The following JMJD1C variants were observed in gnomAD, a reference collection of about 807,000 sequenced individuals.
The protein encoded by JMJD1C is jumonji domain-containing protein 1C.
A neutral mutation model predicts 245.3 loss-of-function variants in JMJD1C; 31 were observed. The observed-to-expected ratio is 0.13, with a 90% CI of 0.09 to 0.17. The LOEUF is 0.17. Among genes scored for constraint, JMJD1C ranks in the 10% least tolerant of loss-of-function variants. The pLI is 1.00. For synonymous variants in JMJD1C, 1,057 were observed against 1,017.4 expected (o/e 1.04, Z -0.74); for missense variants, 2,691 against 3,000.2 (o/e 0.90, Z 2.41).
At chr10:63,301,497 A>C (rs1392658583) in intron 2 of JMJD1C, among the ~76,000 whole-genome samples, 1 of 152,228 alleles carries the variant, frequency 6.6e-6, no homozygotes, top group Non-Finnish European at 1.5e-5. Flanking sequence ...ATACATGCAC[A>C]CTTAAGATAT....
intron 1 of JMJD1C, among the ~76,000 whole-genome samples, chr10:63,429,022 C>A (rs141106288): frequency 6.6e-6 from 1 of 152,180 alleles, no homozygotes; most frequent in Non-Finnish European, 1.5e-5. Context: ...CTCTTGTTAC[C>A]CAGGCTGGAG....
intron 1 of JMJD1C, among the ~76,000 whole-genome samples, chr10:63,381,534 C>A (rs1203231807): frequency 1.3e-5 from 2 of 151,814 alleles, no homozygotes; most frequent in Non-Finnish European, 2.9e-5. Context: ...TCTGTCTATT[C>A]AAAAAACAAA....
chr10:63,440,546 T>C (rs933351142), intron 1 of JMJD1C, among the ~76,000 whole-genome samples: 1 of 152,138 alleles, frequency 6.6e-6, no homozygotes, highest in Non-Finnish European at 1.5e-5. Flanking sequence ...CAGAAGTTTC[T>C]AATCAACAAA....
At chr10:63,519,797 G>A (rs1955149297) in intron 1 of JMJD1C, among the ~76,000 whole-genome samples, 1 of 152,196 alleles carries the variant, frequency 6.6e-6, no homozygotes, top group Non-Finnish European at 1.5e-5. Flanking sequence ...GAGAGGTAGG[G>A]AACGGGTACA....
At chr10:63,456,233 T>C (rs945349936) in intron 1 of JMJD1C, among the ~76,000 whole-genome samples, 1 of 152,050 alleles carries the variant, frequency 6.6e-6, no homozygotes. Context: ...TAGCGAACAG[T>C]GGAAACGCTC....
chr10:63,415,918 A>T (rs999892700), intron 1 of JMJD1C, among the ~76,000 whole-genome samples: 2 of 152,168 alleles, frequency 1.3e-5, no homozygotes, highest in Admixed American at 6.5e-5. Context: ...AAGAAAACAG[A>T]GCTTACAGTG....
chr10:63,427,915 C>A, intron 1 of JMJD1C: 1 of 719,942 alleles, frequency 1.4e-6, no homozygotes, highest in Non-Finnish European at 2.6e-6. Flanking sequence ...ACCAGCAAGG[C>A]AGCCACCTAG....
chr10:63,362,253 T>A (rs1041265479), intron 2 of JMJD1C, among the ~76,000 whole-genome samples: 39 of 134,452 alleles, frequency 2.9e-4, no homozygotes, highest in South Asian at 2.5e-4. Context: ...AAAAAAAAAA[T>A]CACTAGTTTG....
Position 63,206,644 on chromosome 10 carries a change from G to A in JMJD1C, c.5025C>T (p.Ser1675=). ...GTTTACTTCTTTCTTTGGCACTCCT[G>A]CTGAGAACTCCATTGGGTTTCAAAT... ...EEDLKPNGVL[S]RSAKERSKLK... is the part of the protein sequence containing the mutation. The change falls in exon 10 of 26, where the codon AGC becomes AGT. Residue 1675 remains serine (S), a synonymous_variant. Coordinates refer to ENST00000399262, the MANE Select transcript of JMJD1C (RefSeq NM_032776.3). 3 of 1,608,312 alleles carry A rather than the reference G, an allele frequency of 1.9e-6. No homozygotes were observed. Among genetic ancestry groups the A allele is most frequent in the Non-Finnish European group, 2.5e-6 (3 of 1,178,442 alleles).
chr10:63,196,162 G>A (rs1484182235), intron 13 of JMJD1C, among the ~76,000 whole-genome samples: 1 of 151,428 alleles, frequency 6.6e-6, no homozygotes, highest in Non-Finnish European at 1.5e-5. Flanking sequence ...GGGAGGCTGA[G>A]GCAGGAGAAT....
intron 8 of JMJD1C, 146 bp downstream of exon 8, chr10:63,213,327 G>T: frequency 2.0e-6 from 1 of 509,106 alleles, no homozygotes; most frequent in Non-Finnish European, 3.5e-6. Context: ...CACTCTTGAG[G>T]TTACTAAGTG....
chr10:63,440,135 G>C (rs1287323824), intron 1 of JMJD1C, among the ~76,000 whole-genome samples: 1 of 152,112 alleles, frequency 6.6e-6, no homozygotes, highest in African/African-American at 2.4e-5. Context: ...AAGAGTTTGA[G>C]ATCAGCCTGA....
chr10:63,223,752 TTTTTG>T (rs1171591507), intron 3 of JMJD1C, among the ~76,000 whole-genome samples: 1 of 151,518 alleles, frequency 6.6e-6, no homozygotes, highest in African/African-American at 2.4e-5. Context: ...TTATAAATAT[TTTTTG>T]TTTTGTTTTG....
intron 25 of JMJD1C, 41 bp from the exon 26 acceptor site, chr10:63,168,175 A>T (rs776242625): frequency 3.7e-6 from 5 of 1,355,538 alleles, no homozygotes; most frequent in Non-Finnish European, 4.2e-6. Flanking sequence ...TCAGTTCGAC[A>T]GAAATTAATT....
intron 18 of JMJD1C, among the ~76,000 whole-genome samples, chr10:63,187,366 T>A (rs1010969949): frequency 7.2e-5 from 11 of 152,190 alleles, no homozygotes; most frequent in Admixed American, 2.0e-4. Flanking sequence ...GTAAATTTTT[T>A]AAAAAAGATA....
At chr10:63,320,116 G>A (rs1940665727) in intron 2 of JMJD1C, among the ~76,000 whole-genome samples, 1 of 152,136 alleles carries the variant, frequency 6.6e-6, no homozygotes, top group Non-Finnish European at 1.5e-5. Context: ...ATGTTGGCCA[G>A]GCTGGTCTTG....
chr10:63,264,213 T>C (rs1269773137), intron 3 of JMJD1C, among the ~76,000 whole-genome samples: 1 of 152,106 alleles, frequency 6.6e-6, no homozygotes, highest in African/African-American at 2.4e-5. Flanking sequence ...ATTCAATTAC[T>C]GACAATCTAA....
chr10:63,507,171 G>C (rs1954743622), intron 1 of JMJD1C, among the ~76,000 whole-genome samples: 1 of 152,094 alleles, frequency 6.6e-6, no homozygotes, highest in African/African-American at 2.4e-5. Context: ...CTACTAAAAG[G>C]CATCTTGGTT....
chr10:63,308,859 C>T (rs1202493896), intron 2 of JMJD1C, among the ~76,000 whole-genome samples: 1 of 150,922 alleles, frequency 6.6e-6, no homozygotes, highest in Non-Finnish European at 1.5e-5. Context: ...TTGAAAGGGC[C>T]TAACACAACA....
Sources: allele counts gnomAD v4.1 joint callset (sites outside exome capture counted in the v4.1 genomes callset), GRCh38; gene constraint gnomAD v4.1.1; transcripts MANE v1.5; gene names NCBI Gene and HGNC (gene_info 2026-07-23, HGNC 2026-07-21).